FIP1L1: variants seen among roughly 807,000 people sequenced by gnomAD.
FIP1L1 encodes factor interacting with PAPOLA and CPSF1, also known as pre-mRNA 3'-end-processing factor FIP1.
A neutral mutation model predicts 84.6 loss-of-function variants in FIP1L1; 21 were observed. That is an observed-to-expected ratio of 0.25 (90% CI 0.18 to 0.36). The LOEUF (loss-of-function observed/expected upper bound fraction) is 0.36, where lower values mean the gene tolerates loss of function less well. Ranked by LOEUF, FIP1L1 falls within the 10% of genes least tolerant of loss-of-function variation. The probability of loss-of-function intolerance (pLI) is 1.00; values close to 1 mark genes in which losing one functional copy is unlikely to be tolerated. For missense variants in FIP1L1, 526 were observed against 751.1 expected (o/e 0.70, Z 3.50); for synonymous variants, 263 against 242.3 (o/e 1.09, Z -0.80).
intron 13 of FIP1L1, among the ~76,000 whole-genome samples, chr4:53,439,990 T>A (rs936548249): frequency 5.9e-5 from 9 of 151,950 alleles, no homozygotes; most frequent in African/African-American, 2.2e-4. Context: ...ATCATTCACG[T>A]TTATGTTAAT....
chr4:53,458,427 T>C (rs903903907), intron 16 of FIP1L1: 1 of 327,284 alleles, frequency 3.1e-6, no homozygotes, highest in African/African-American at 2.1e-5. Flanking sequence ...ATTGGTCATT[T>C]AACATGTGTA....
At chr4:53,430,451 C>T (rs1181248460) in intron 13 of FIP1L1, among the ~76,000 whole-genome samples, 18 of 147,682 alleles carry the variant, frequency 1.2e-4, no homozygotes, top group African/African-American at 4.5e-4. Context: ...CAGGCTCAAG[C>T]GATCCTCCTG....
chr4:53,380,856 T>C (rs894559753), intron 3 of FIP1L1, among the ~76,000 whole-genome samples: 5 of 152,230 alleles, frequency 3.3e-5, no homozygotes, highest in African/African-American at 1.2e-4. Context: ...ATTACAGGTA[T>C]AGTTTTACAA....
rs1738599578 is a variant in FIP1L1, at chr4:53,382,450, G to A, written c.228+115G>A. 5.4e-6 allele frequency: 4 copies of A among 739,558 alleles called. No homozygotes were observed. In the South Asian group the frequency reaches 7.0e-5, roughly 13 times the overall value. 45.8% of individuals were successfully genotyped at this position (739,558 alleles called of 1,614,324 possible). ...TACCTTCAGTATCAGGTGTTATCTG[G>A]CCCTTTCTTACATCTCCTACTTCAT... On this transcript the variant is annotated intron_variant, in intron 4 of 17. Transcript: ENST00000337488.
intron 11 of FIP1L1, among the ~76,000 whole-genome samples, chr4:53,420,406 G>T (rs1761893858): frequency 7.6e-6 from 1 of 132,064 alleles, no homozygotes; most frequent in Non-Finnish European, 1.6e-5. Flanking sequence ...TCCAACCTGG[G>T]CAACAAGAGT....
At chr4:53,394,471 T>C (rs1458771736) in intron 9 of FIP1L1, among the ~76,000 whole-genome samples, 1 of 152,194 alleles carries the variant, frequency 6.6e-6, no homozygotes, top group Non-Finnish European at 1.5e-5. Flanking sequence ...TCAGATTTTT[T>C]CAGATAAGGT....
rs371524007 is a variant in FIP1L1, at chr4:53,445,381, C to A, written c.1285+1278C>A. Among the ~76,000 whole-genome samples the A allele has an allele frequency of 9.9e-5, 15 of 152,256 alleles. No homozygotes were observed. In the East Asian group the frequency reaches 2.1e-3, roughly 22 times the overall value. On this transcript the variant is annotated intron_variant, in intron 15 of 17. Coordinates refer to ENST00000337488, the MANE Select transcript of FIP1L1 (RefSeq NM_030917.4). ...AGTAAAAAATAATTTTCTCCCTACT[C>A]TTCCTAGTTCTTAGGATGGACCCTG...
At chr4:53,420,070 C>T (rs1184537166) in intron 11 of FIP1L1, among the ~76,000 whole-genome samples, 1 of 151,668 alleles carries the variant, frequency 6.6e-6, no homozygotes, top group Non-Finnish European at 1.5e-5. Flanking sequence ...CGGTGGCGAG[C>T]GCCTGTAGTC....
chr4:53,425,826 G>A (rs1764106751), intron 11 of FIP1L1, 46 bp from the exon 12 acceptor site: 6 of 1,306,878 alleles, frequency 4.6e-6, no homozygotes, highest in South Asian at 1.3e-5. Flanking sequence ...TATTTTTTAA[G>A]CATCTAATTA....
intron 13 of FIP1L1, chr4:53,440,775 A>C (rs1467667302): frequency 6.7e-6 from 4 of 600,998 alleles, no homozygotes; most frequent in Non-Finnish European, 1.2e-5. Context: ...TTTGATTAAG[A>C]TATTTAGTTT....
intron 10 of FIP1L1, among the ~76,000 whole-genome samples, chr4:53,409,116 C>T (rs1755588626): frequency 6.6e-6 from 1 of 152,150 alleles, no homozygotes; most frequent in South Asian, 2.1e-4. Context: ...TTTTCCCCAT[C>T]TTTGTGGTTT....
chr4:53,388,820 A>G (rs1237533906), intron 5 of FIP1L1, among the ~76,000 whole-genome samples: 2 of 152,240 alleles, frequency 1.3e-5, no homozygotes, highest in African/African-American at 4.8e-5. Context: ...CAGAAAATGT[A>G]TACAAGGCTC....
intron 13 of FIP1L1, 28 bp from the exon 14 acceptor site, chr4:53,442,625 T>C: frequency 6.5e-7 from 1 of 1,546,696 alleles, no homozygotes. Context: ...ATTGTTAACA[T>C]TTTTTATCTT....
chr4:53,430,457 T>C (rs1766138362), intron 13 of FIP1L1, among the ~76,000 whole-genome samples: 1 of 145,184 alleles, frequency 6.9e-6, no homozygotes, highest in Non-Finnish European at 1.5e-5. Flanking sequence ...CAAGCGATCC[T>C]CCTGCCTCAG....
At chr4:53,433,698 T>TA (rs1268777235) in intron 13 of FIP1L1, among the ~76,000 whole-genome samples, 2 of 152,180 alleles carry the variant, frequency 1.3e-5, no homozygotes, top group Non-Finnish European at 2.9e-5. Context: ...TTTACTGAGA[T>TA]ATAGCCCAAC....
intron 15 of FIP1L1, among the ~76,000 whole-genome samples, chr4:53,448,498 G>A (rs1173987138): frequency 6.6e-6 from 1 of 152,048 alleles, no homozygotes; most frequent in Non-Finnish European, 1.5e-5. Context: ...CATTTGTATA[G>A]TACTTACTAC....
intron 4 of FIP1L1, 121 bp downstream of exon 4, chr4:53,382,456 T>C (rs977000514): frequency 2.9e-6 from 2 of 690,016 alleles, no homozygotes; most frequent in Non-Finnish European, 5.1e-6. Flanking sequence ...TCTGGCCCTT[T>C]CTTACATCTC....
chr4:53,431,103 T>A (rs1384359205), intron 13 of FIP1L1, among the ~76,000 whole-genome samples: 2 of 152,234 alleles, frequency 1.3e-5, no homozygotes, highest in Non-Finnish European at 2.9e-5. Context: ...TGTTTGCTAA[T>A]TGAGTTAACG....
At chr4:53,438,018 C>T (rs559079024) in intron 13 of FIP1L1, among the ~76,000 whole-genome samples, 1 of 152,246 alleles carries the variant, frequency 6.6e-6, no homozygotes, top group African/African-American at 2.4e-5. Context: ...AGCCACCGCG[C>T]CCGGCCTATG....
Sources: allele counts gnomAD v4.1 joint callset (sites outside exome capture counted in the v4.1 genomes callset), GRCh38; gene constraint gnomAD v4.1.1; transcripts MANE v1.5; gene names NCBI Gene and HGNC (gene_info 2026-07-23, HGNC 2026-07-21).